MAD1L1: variants seen among roughly 807,000 people sequenced by gnomAD.
MAD1L1 encodes mitotic arrest deficient 1 like 1.
MAD1L1 carries 95 observed loss-of-function variants against 96.9 expected under a neutral mutation model. The observed-to-expected ratio is 0.98, with a 90% CI of 0.83 to 1.16. The LOEUF (loss-of-function observed/expected upper bound fraction) is 1.16, where lower values mean the gene tolerates loss of function less well. Among genes scored for constraint, MAD1L1 ranks in the 50% most tolerant of loss-of-function variants. MAD1L1 has a pLI of 0.00. For synonymous variants in MAD1L1, 473 were observed against 396.6 expected (o/e 1.19, Z -2.29); for missense variants, 1,007 against 954.4 (o/e 1.06, Z -0.73).
chr7:1,993,407 A>C (rs1781432131), intron 14 of MAD1L1, among the ~76,000 whole-genome samples: 1 of 152,214 alleles, frequency 6.6e-6, no homozygotes, highest in African/African-American at 2.4e-5. Flanking sequence ...CTCCCTCTAA[A>C]GTTTACCGGA....
rs548841638 is a variant in MAD1L1, at chr7:2,076,406, C to T, written c.1074-7068G>A. Among the ~76,000 whole-genome samples the T allele has an allele frequency of 1.0e-3, 154 of 152,326 alleles. 1 individual carries two copies. Among genetic ancestry groups the T allele is most frequent in the African/African-American group, 3.6e-3 (148 of 41,578 alleles). ...TGTGAGGACAGGGGCTGGTCATCTGCAAACCAGGAAGAGAGCCCTCCTCAG... is the reference window on the plus strand; with the variant it reads ...TGTGAGGACAGGGGCTGGTCATCTGTAAACCAGGAAGAGAGCCCTCCTCAG... On this transcript the variant is annotated intron_variant, in intron 11 of 18. Coordinates refer to ENST00000265854, the MANE Select transcript of MAD1L1 (RefSeq NM_001013836.2).
chr7:1,926,547 GCAGAGTTGGCT>G (rs1789099402), intron 17 of MAD1L1, among the ~76,000 whole-genome samples: 1 of 151,992 alleles, frequency 6.6e-6, no homozygotes, highest in African/African-American at 2.4e-5. Flanking sequence ...TTCCAGGAAT[GCAGAGTTGGCT>G]CAACGTTGGA....
intron 11 of MAD1L1, among the ~76,000 whole-genome samples, chr7:2,126,768 C>T (rs1259662009): frequency 2.6e-5 from 4 of 152,178 alleles, no homozygotes; most frequent in Non-Finnish European, 1.5e-5. Context: ...TTACACCTGT[C>T]GTCAACCCTG....
chr7:1,931,007 G>A (rs1381454639), intron 17 of MAD1L1, among the ~76,000 whole-genome samples: 1 of 151,196 alleles, frequency 6.6e-6, no homozygotes, highest in Non-Finnish European at 1.5e-5. Context: ...ACAGGAGCGA[G>A]GGCGCGTCGT....
intron 12 of MAD1L1, among the ~76,000 whole-genome samples, chr7:2,053,359 C>A (rs990339333): frequency 6.6e-6 from 1 of 152,174 alleles, no homozygotes; most frequent in Non-Finnish European, 1.5e-5. Context: ...CCTGGCCACT[C>A]CAAAGGCCTC....
chr7:1,833,064 T>G (rs1025644827), intron 18 of MAD1L1, among the ~76,000 whole-genome samples: 2 of 152,224 alleles, frequency 1.3e-5, no homozygotes, highest in African/African-American at 4.8e-5. Flanking sequence ...AAGGTTCGGG[T>G]GATCATTAGC....
At chr7:2,131,252 T>C (rs1485425671) in intron 11 of MAD1L1, among the ~76,000 whole-genome samples, 1 of 152,112 alleles carries the variant, frequency 6.6e-6, no homozygotes, top group Non-Finnish European at 1.5e-5. Context: ...TTGGCCCAAA[T>C]GCTTAAAAAC....
chr7:1,826,162 C>T (rs1395108206), intron 18 of MAD1L1, among the ~76,000 whole-genome samples: 2 of 152,190 alleles, frequency 1.3e-5, no homozygotes, highest in Non-Finnish European at 2.9e-5. Context: ...CAACTCACAG[C>T]TGGGCTCTGC....
At chr7:1,840,514 G>A (rs1173070999) in intron 18 of MAD1L1, among the ~76,000 whole-genome samples, 2 of 152,198 alleles carry the variant, frequency 1.3e-5, no homozygotes, top group Admixed American at 1.3e-4. Context: ...TGGATCACCT[G>A]AGCTCAGGAG....
At chr7:1,829,215 G>A (rs57116830) in intron 18 of MAD1L1, among the ~76,000 whole-genome samples, 7,264 of 152,278 alleles carry the variant, frequency 0.048, 376 homozygotes, top group African/African-American at 0.13. Flanking sequence ...GGCACCACCC[G>A]CATCAGCGCC....
At chr7:1,928,146 G>A (rs936928870) in intron 17 of MAD1L1, among the ~76,000 whole-genome samples, 1 of 149,846 alleles carries the variant, frequency 6.7e-6, no homozygotes, top group Admixed American at 6.6e-5. Context: ...GGTCCCTAGA[G>A]GAGCCCATGA....
rs766244339 is a variant in MAD1L1, at chr7:2,219,384, G to A, written c.544C>T (p.Arg182Cys). 45 of 1,609,032 alleles carry A rather than the reference G, an allele frequency of 2.8e-5. No individual in the cohort carries two copies. Among genetic ancestry groups the A allele is most frequent in the Admixed American group, 6.7e-5 (4 of 59,488 alleles). ...SVMDQEMRVK[R>C]LESEKQELQE... ...AGCTCCTGCTTCTCCGACTCCAGGCGCTTCACCCGCATCTCCTGGTCCATC... is the reference window on the plus strand; with the variant it reads ...AGCTCCTGCTTCTCCGACTCCAGGCACTTCACCCGCATCTCCTGGTCCATC... The change falls in exon 6 of 19, where the codon CGC becomes TGC. Residue 182 changes from arginine (R) to cysteine (C), a missense_variant. Arg to Cys is a radical substitution (Grantham distance 180). Transcript: ENST00000265854.
chr7:2,178,087 T>C (rs1584489486), intron 10 of MAD1L1, among the ~76,000 whole-genome samples: 1 of 152,236 alleles, frequency 6.6e-6, no homozygotes. Flanking sequence ...CTGAGGTTAT[T>C]TGTGGATGCT....
intron 5 of MAD1L1, among the ~76,000 whole-genome samples, chr7:2,222,307 C>A (rs899732390): frequency 1.3e-5 from 2 of 152,122 alleles, no homozygotes; most frequent in Non-Finnish European, 2.9e-5. Context: ...CTCCAACTCC[C>A]AACCTCAGAT....
chr7:2,138,321 C>T lies in MAD1L1; in HGVS notation c.1073+10831G>A, dbSNP rs543928816. Among the ~76,000 whole-genome samples the T allele has an allele frequency of 2.0e-5, 3 of 152,318 alleles. No individual in the cohort carries two copies. In the South Asian group the frequency reaches 6.2e-4, roughly 32 times the overall value. The stretch of plus-strand genomic sequence containing the variant: ...CTGGCCACCGTCCTGGCTGCGGCAG[C>T]GCTCAGCAGGCTGGCGGTGGGGCGG... On this transcript the variant is annotated intron_variant, in intron 11 of 18. Transcript: ENST00000265854.
chr7:1,867,975 G>T (rs972849752), intron 18 of MAD1L1, among the ~76,000 whole-genome samples: 1 of 152,322 alleles, frequency 6.6e-6, no homozygotes. Flanking sequence ...TCTCTGAGGG[G>T]CCCTCCACAT....
At chr7:2,017,874 C>T (rs1298644246) in intron 12 of MAD1L1, among the ~76,000 whole-genome samples, 2 of 152,118 alleles carry the variant, frequency 1.3e-5, no homozygotes, top group African/African-American at 4.8e-5. Context: ...CAGAATAGGG[C>T]CCAGTGCCCT....
At chr7:2,064,076 C>T (rs1013352151) in intron 12 of MAD1L1, among the ~76,000 whole-genome samples, 6 of 152,196 alleles carry the variant, frequency 3.9e-5, no homozygotes, top group African/African-American at 1.4e-4. Flanking sequence ...ATGTCCTGTT[C>T]TGGGCCTGGC....
chr7:2,082,787 C>T (rs996696384), intron 11 of MAD1L1, among the ~76,000 whole-genome samples: 1 of 152,236 alleles, frequency 6.6e-6, no homozygotes, highest in Non-Finnish European at 1.5e-5. Flanking sequence ...TTGATGGAGC[C>T]CGGCGCCTGC....
Sources: allele counts gnomAD v4.1 joint callset (sites outside exome capture counted in the v4.1 genomes callset), GRCh38; gene constraint gnomAD v4.1.1; transcripts MANE v1.5; gene names NCBI Gene and HGNC (gene_info 2026-07-23, HGNC 2026-07-21).